Variants in SLC2A9 observed in about 807,000 individuals in gnomAD.
SLC2A9 encodes the protein solute carrier family 2 member 9.
SLC2A9 carries 39 observed loss-of-function variants against 50.6 expected under a neutral mutation model. The ratio of observed to expected loss-of-function variants is 0.77; its 90% CI spans 0.60 to 1.01. SLC2A9 has a LOEUF of 1.01. Ranked by LOEUF, SLC2A9 falls within the 50% of genes least tolerant of loss-of-function variation. The pLI is 0.00. For synonymous variants in SLC2A9, 324 were observed against 276.9 expected (o/e 1.17, Z -1.69); for missense variants, 686 against 677.6 (o/e 1.01, Z -0.14).
chr4:9,809,237 C>T (rs2108980795), intron 3 of SLC2A9, among the ~76,000 whole-genome samples: 1 of 152,240 alleles, frequency 6.6e-6, no homozygotes, highest in South Asian at 2.1e-4. Flanking sequence ...CTGGAAGTTT[C>T]CTGGTGGGAG....
intron 6 of SLC2A9, 37 bp from the exon 7 acceptor site, chr4:9,920,609 T>A: frequency 6.2e-7 from 1 of 1,612,816 alleles, no homozygotes; most frequent in Non-Finnish European, 8.5e-7. Flanking sequence ...TCAGCAGGGA[T>A]TAGAGTGTCC....
downstream of SLC2A9, among the ~76,000 whole-genome samples, chr4:9,795,136 G>A (rs1449214113): frequency 5.4e-5 from 8 of 148,348 alleles, no homozygotes; most frequent in South Asian, 2.2e-4. Context: ...CTCAGCCTCC[G>A]AGTAGCTGGG....
rs77862651 is a variant in SLC2A9, at chr4:9,988,425, G to A, written c.411-2632C>T. Among the ~76,000 whole-genome samples the A allele has an allele frequency of 4.1e-3, 623 of 152,308 alleles. 1 individual carries two copies. Among genetic ancestry groups the A allele is most frequent in the African/African-American group, 0.014 (581 of 41,558 alleles). ...AGTCTGACTTGAAACATGTGCAAACGGGAGTGCACACTCTCTGGGCAAGTT... is the reference window on the plus strand; with the variant it reads ...AGTCTGACTTGAAACATGTGCAAACAGGAGTGCACACTCTCTGGGCAAGTT... On this transcript the variant is annotated intron_variant, in intron 3 of 11. Coordinates refer to ENST00000264784, the MANE Select transcript of SLC2A9 (RefSeq NM_020041.3).
chr4:9,914,790 G>A (rs1165800582), intron 7 of SLC2A9, among the ~76,000 whole-genome samples: 1 of 152,162 alleles, frequency 6.6e-6, no homozygotes. Flanking sequence ...AAACTGGACA[G>A]CATATCTAGA....
chr4:9,928,629 G>A (rs907063084), intron 6 of SLC2A9, among the ~76,000 whole-genome samples: 1 of 152,180 alleles, frequency 6.6e-6, no homozygotes, highest in Non-Finnish European at 1.5e-5. Flanking sequence ...AGCTACTCGG[G>A]AGGCTGAGGC....
chr4:9,980,614 C>T lies in SLC2A9; in HGVS notation c.659G>A (p.Gly220Asp). The change falls in exon 5 of 12, where the codon GGC becomes GAC. Residue 220 changes from glycine (G) to aspartate (D), a missense_variant. Transcript: ENST00000264784. ...CIGVFTGQLL[G>D]LPELLGKEST... is the part of the protein sequence containing the mutation. ...CACCTTTCCCAGCAGCTCGGGCAGG[C>T]CCAGAAGCTGCCCAGTGAACACGCC... is the stretch of plus-strand genomic sequence containing the variant. 1.2e-6 allele frequency: 2 copies of T among 1,614,168 alleles called. No individual in the cohort carries two copies. The highest frequency in any genetic ancestry group is 1.7e-6 in the Non-Finnish European group (2 of 1,180,036).
chr4:9,860,478 C>T (rs879747932), intron 10 of SLC2A9, among the ~76,000 whole-genome samples: 2 of 152,218 alleles, frequency 1.3e-5, no homozygotes, highest in African/African-American at 2.4e-5. Flanking sequence ...AATGAATTAA[C>T]GACTGACCCA....
In SLC2A9 at chr4:9,985,387, G is replaced by A. The variant is rs140530586; in HGVS notation, c.535+282C>T. Among the ~76,000 whole-genome samples the A allele has an allele frequency of 8.1e-3, 1,231 of 152,272 alleles. 35 individuals carry two copies. Among genetic ancestry groups the A allele is most frequent in the Admixed American group, 0.055 (838 of 15,294 alleles). ...TTGGAATATTAACATTATGATGAAGGTGACCAAACAGAAGGCATGACATGC... is the reference window on the plus strand; with the variant it reads ...TTGGAATATTAACATTATGATGAAGATGACCAAACAGAAGGCATGACATGC... On this transcript the variant is annotated intron_variant, in intron 4 of 11. Coordinates refer to ENST00000264784, the MANE Select transcript of SLC2A9 (RefSeq NM_020041.3).
rs192698313 is a variant in SLC2A9, at chr4:9,982,512, T to G, written c.536-1775A>C. ...AAGGTCCATCTTGGAATGCAGCTTA[T>G]TTTTAGTTAAGGAAATTCAGAGATC... is the stretch of plus-strand genomic sequence containing the variant. On this transcript the variant is annotated intron_variant, in intron 4 of 11. Transcript: ENST00000264784. Among the ~76,000 whole-genome samples, 111 of 152,354 alleles carry G rather than the reference T, an allele frequency of 7.3e-4. 1 individual carries two copies. The highest frequency in any genetic ancestry group is 2.3e-3 in the African/African-American group (95 of 41,586).
At chr4:9,814,192 A>G (rs2109006755) in intron 3 of SLC2A9, among the ~76,000 whole-genome samples, 1 of 152,264 alleles carries the variant, frequency 6.6e-6, no homozygotes, top group East Asian at 1.9e-4. Context: ...GAGGAGAAGG[A>G]CATTCTACAC....
At chr4:9,890,738 G>T in intron 8 of SLC2A9, 27 bp from the exon 9 acceptor site, 1 of 1,584,116 alleles carries the variant, frequency 6.3e-7, no homozygotes, top group Non-Finnish European at 8.7e-7. Context: ...GAGAGAGAGA[G>T]AGCTATTATT....
At chr4:9,914,501 C>T (rs946344020) in intron 7 of SLC2A9, among the ~76,000 whole-genome samples, 3 of 152,222 alleles carry the variant, frequency 2.0e-5, no homozygotes, top group Admixed American at 6.5e-5. Context: ...ACTACAGCTG[C>T]GCACCTTACG....
At chr4:9,831,899 G>A (rs1473011480) in intron 11 of SLC2A9, among the ~76,000 whole-genome samples, 1 of 152,214 alleles carries the variant, frequency 6.6e-6, no homozygotes, top group Non-Finnish European at 1.5e-5. Flanking sequence ...TCGGACCTCA[G>A]CATGAGCTGG....
chr4:9,878,145 C>CATATATATAT lies in SLC2A9; in HGVS notation c.1291+9412_1291+9421dup, dbSNP rs936756552. Reference sequence around the variant, plus strand: ...GGCACTGTGGCATAACACACACACACATATATATATATATAAAATTGCAAT... The same window carrying CATATATATAT: ...GGCACTGTGGCATAACACACACACACATATATATATATATATATATATATAAAATTGCAAT... On this transcript the variant is annotated intron_variant, in intron 10 of 11. Coordinates refer to ENST00000264784, the MANE Select transcript of SLC2A9 (RefSeq NM_020041.3). Among the ~76,000 whole-genome samples, 393 of 150,552 alleles carry CATATATATAT rather than the reference C, an allele frequency of 2.6e-3. 5 individuals carry two copies. Among genetic ancestry groups the CATATATATAT allele is most frequent in the African/African-American group, 9.4e-3 (385 of 41,082 alleles).
At chr4:9,993,564 G>GT (rs1758079217) in intron 3 of SLC2A9, among the ~76,000 whole-genome samples, 1 of 152,136 alleles carries the variant, frequency 6.6e-6, no homozygotes, top group Non-Finnish European at 1.5e-5. Context: ...AGATGAAAGA[G>GT]TTTAAGAAAC....
Position 9,826,309 on chromosome 4 carries a change from G to A in SLC2A9, c.*88C>T, listed in dbSNP as rs996894580. 4.4e-6 allele frequency: 6 copies of A among 1,357,910 alleles called. No homozygotes were observed. The highest frequency in any genetic ancestry group is 6.3e-6 in the Non-Finnish European group (6 of 948,326). The allele number at this position is 1,357,910 out of a possible 1,614,324, so 84.1% of individuals were successfully genotyped here. ...ATTCATTTAAGCTTCCCAATAATGG[G>A]TAAATTTTAAGTTTCCTGAAAAGTG... On this transcript the variant is annotated 3_prime_UTR_variant, in exon 12 of 12. Coordinates refer to ENST00000264784, the MANE Select transcript of SLC2A9 (RefSeq NM_020041.3).
intron 3 of SLC2A9, among the ~76,000 whole-genome samples, chr4:9,807,710 T>A (rs1433328258): frequency 6.6e-6 from 1 of 152,218 alleles, no homozygotes; most frequent in Non-Finnish European, 1.5e-5. Flanking sequence ...GGTTACCCCA[T>A]GTGGACCTTA....
chr4:10,038,876 C>A (rs190584634), intron 1 of SLC2A9, among the ~76,000 whole-genome samples: 1 of 152,274 alleles, frequency 6.6e-6, no homozygotes, highest in Admixed American at 6.5e-5. Context: ...ACAGAGATGG[C>A]AGCACACTAG....
chr4:9,871,811 G>A (rs1488104072), intron 10 of SLC2A9, among the ~76,000 whole-genome samples: 1 of 152,168 alleles, frequency 6.6e-6, no homozygotes. Context: ...TATGAGTTAT[G>A]ACCTCTCAGA....
Sources: gnomAD v4.1 joint callset for allele counts (sites outside exome capture counted in the v4.1 genomes callset) on GRCh38, gnomAD v4.1.1 for gene constraint, MANE v1.5 for transcripts, NCBI Gene and HGNC (gene_info 2026-07-23, HGNC 2026-07-21) for gene names.